The following RSU1 variants were observed in gnomAD, a reference collection of about 807,000 sequenced individuals.
RSU1 encodes the protein Ras suppressor protein 1.
In RSU1, 26 loss-of-function variants were observed where a neutral mutation model predicts 31.1. That is an observed-to-expected ratio of 0.84 (90% CI 0.61 to 1.16). The LOEUF (loss-of-function observed/expected upper bound fraction) is 1.16, where lower values mean the gene tolerates loss of function less well. Ranked by LOEUF, RSU1 falls within the 50% of genes most tolerant of loss-of-function variation. The pLI, the probability that RSU1 is intolerant of heterozygous loss-of-function variation, is 0.00. For missense variants in RSU1, 320 were observed against 339.1 expected, an observed-to-expected ratio of 0.94 and a Z score of 0.44; for synonymous variants, 164 against 136.3, an observed-to-expected ratio of 1.20 and a Z score of -1.41.
At chr10:16,673,344 C>T (rs1383290997) in intron 8 of RSU1, among the ~76,000 whole-genome samples, 1 of 152,200 alleles carries the variant, frequency 6.6e-6, no homozygotes, top group African/African-American at 2.4e-5. Flanking sequence ...ATGAACAGAG[C>T]AGCTACAAAT....
intron 8 of RSU1, among the ~76,000 whole-genome samples, chr10:16,594,776 C>CAT (rs201382377): frequency 3.7e-4 from 52 of 141,772 alleles, no homozygotes; most frequent in South Asian, 8.7e-4. Flanking sequence ...TATTATATAT[C>CAT]ATATATATAT....
At chr10:16,752,148 G>C (rs140817025) in intron 7 of RSU1, among the ~76,000 whole-genome samples, 1 of 152,156 alleles carries the variant, frequency 6.6e-6, no homozygotes, top group East Asian at 1.9e-4. Flanking sequence ...AAAATTTAAG[G>C]GGTTAAAAAG....
intron 3 of RSU1, chr10:16,767,185 T>G (rs961964242): frequency 6.6e-6 from 1 of 152,198 alleles, no homozygotes; most frequent in African/African-American, 2.4e-5. Context: ...ATCTGATTAG[T>G]TTGAAGAGCA....
intron 8 of RSU1, among the ~76,000 whole-genome samples, chr10:16,624,220 C>T (rs77160119): frequency 1.1e-5 from 1 of 93,248 alleles, no homozygotes; most frequent in Non-Finnish European, 2.1e-5. Context: ...GTGTGTGTGT[C>T]TGTAAGTGTG....
intron 7 of RSU1, among the ~76,000 whole-genome samples, chr10:16,740,377 AT>A (rs1836726441): frequency 6.6e-6 from 1 of 152,220 alleles, no homozygotes; most frequent in African/African-American, 2.4e-5. Context: ...ACACAAAAAA[AT>A]CTTACAGATA....
intron 7 of RSU1, among the ~76,000 whole-genome samples, chr10:16,722,141 C>G (rs1050387233): frequency 1.3e-5 from 2 of 152,134 alleles, no homozygotes; most frequent in African/African-American, 4.8e-5. Context: ...ATTGTTATAA[C>G]TGATCTATTT....
chr10:16,592,755 C>T lies in RSU1; in HGVS notation c.*639G>A, dbSNP rs535821473. ...CTTGACAAATTAATGTGAGAAGAAACGAACTGTGATTTAATTTTGCATTTC... is the reference window on the plus strand; with the variant it reads ...CTTGACAAATTAATGTGAGAAGAAATGAACTGTGATTTAATTTTGCATTTC... On this transcript the variant is annotated 3_prime_UTR_variant, in exon 9 of 9. Transcript: ENST00000345264. 4 of 151,972 alleles carry T rather than the reference C, an allele frequency of 2.6e-5. No homozygotes were observed. The highest frequency in any genetic ancestry group is 3.9e-4 in the East Asian group (2 of 5,180). The allele number at this position is 151,972 out of a possible 1,614,324, so 9.4% of individuals were successfully genotyped here. A position where few individuals can be genotyped will look rare whatever the true frequency, so the allele number is the denominator to read the frequency against.
At chr10:16,777,474 G>A (rs968566568) in intron 3 of RSU1, among the ~76,000 whole-genome samples, 3 of 152,178 alleles carry the variant, frequency 2.0e-5, no homozygotes, top group Admixed American at 2.0e-4. Flanking sequence ...TACCTTAAAT[G>A]TGGTAAAAAC....
intron 7 of RSU1, among the ~76,000 whole-genome samples, chr10:16,740,458 C>T (rs1836727597): frequency 6.6e-6 from 1 of 152,130 alleles, no homozygotes; most frequent in Non-Finnish European, 1.5e-5. Context: ...TCTGCTCTTG[C>T]CATCTATATT....
intron 3 of RSU1, among the ~76,000 whole-genome samples, chr10:16,780,198 A>AGT (rs1381511598): frequency 2.0e-5 from 3 of 152,242 alleles, no homozygotes; most frequent in African/African-American, 7.2e-5. Context: ...AATAAACTAC[A>AGT]GTGATCTGAA....
intron 7 of RSU1, among the ~76,000 whole-genome samples, chr10:16,708,492 T>G (rs1835950629): frequency 6.6e-6 from 1 of 152,154 alleles, no homozygotes; most frequent in Non-Finnish European, 1.5e-5. Context: ...GAGTCAACTG[T>G]ACATTTTGAA....
chr10:16,778,684 G>A (rs532098130), intron 3 of RSU1, among the ~76,000 whole-genome samples: 1 of 152,314 alleles, frequency 6.6e-6, no homozygotes, highest in African/African-American at 2.4e-5. Context: ...GGAGAGGCTG[G>A]TAGAGAGGAG....
chr10:16,645,803 T>C (rs1020923766), intron 8 of RSU1, among the ~76,000 whole-genome samples: 4 of 147,478 alleles, frequency 2.7e-5, no homozygotes, highest in African/African-American at 5.0e-5. Flanking sequence ...CGAGACTCTG[T>C]CACAAAAAAA....
At chr10:16,642,451 C>A (rs1196343739) in intron 8 of RSU1, among the ~76,000 whole-genome samples, 3 of 152,130 alleles carry the variant, frequency 2.0e-5, no homozygotes, top group East Asian at 1.9e-4. Flanking sequence ...GAGTCTCTAA[C>A]CTTTCCTATC....
Position 16,816,994 on chromosome 10 carries a change from T to C in RSU1, c.88A>G (p.Met30Val), listed in dbSNP as rs11539866. 8.3e-3 allele frequency: 13,358 copies of C among 1,613,768 alleles called. 752 individuals are homozygous for C. In the East Asian group the frequency reaches 0.16, roughly 19 times the overall value. Residue 30 changes from methionine (M) to valine (V), a missense_variant, in exon 2 of 9, where the codon ATG becomes GTG. Met to Val is a conservative substitution (Grantham distance 21). Coordinates refer to ENST00000345264, the MANE Select transcript of RSU1 (RefSeq NM_012425.4). ...VDMSDRGISNMLDVNGLFTLS... is the reference protein window; with the variant it reads ...VDMSDRGISNVLDVNGLFTLS... ...TCACAGAGGCCGTTGACATCCAGCATGTTGGAGATGCCCCGGTCACTCATG... is the reference window on the plus strand; with the variant it reads ...TCACAGAGGCCGTTGACATCCAGCACGTTGGAGATGCCCCGGTCACTCATG...
At chr10:16,808,485 GA>G (rs34449677) in intron 2 of RSU1, among the ~76,000 whole-genome samples, 47,916 of 89,910 alleles carry the variant, frequency 0.53, 9,795 homozygotes, top group African/African-American at 0.64. Context: ...CTCCATTTAA[GA>G]AAAAAAAAAA....
Position 16,729,760 on chromosome 10 carries a change from T to G in RSU1, c.598+22779A>C, listed in dbSNP as rs564241352. 9.8e-5 allele frequency among the ~76,000 whole-genome samples: 15 copies of G among 152,296 alleles called. No homozygotes were observed. In the South Asian group the frequency reaches 2.9e-3, roughly 29 times the overall value. ...TTGTTTGCAAAAACAGCTGTGATCA[T>G]CCCGCCCTCTCCTCTGTACCTTCCA... On this transcript the variant is annotated intron_variant, in intron 7 of 8. Coordinates refer to ENST00000345264, the MANE Select transcript of RSU1 (RefSeq NM_012425.4).
At chr10:16,716,277 A>C (rs1262755282) in intron 7 of RSU1, among the ~76,000 whole-genome samples, 3 of 152,212 alleles carry the variant, frequency 2.0e-5, no homozygotes, top group African/African-American at 7.2e-5. Context: ...AACTGAGTGT[A>C]GCAGGACTAC....
intron 8 of RSU1, among the ~76,000 whole-genome samples, chr10:16,665,100 C>T (rs922255445): frequency 3.3e-5 from 5 of 152,054 alleles, no homozygotes; most frequent in Admixed American, 6.6e-5. Flanking sequence ...CATGCTGTCA[C>T]GCTGGGCTAA....
Sources: allele counts gnomAD v4.1 joint callset (sites outside exome capture counted in the v4.1 genomes callset), GRCh38; gene constraint gnomAD v4.1.1; transcripts MANE v1.5; gene names NCBI Gene and HGNC (gene_info 2026-07-23, HGNC 2026-07-21).